DCP1A: variants seen among roughly 807,000 people sequenced by gnomAD.
DCP1A encodes the protein decapping mRNA 1A.
A neutral mutation model predicts 58.0 loss-of-function variants in DCP1A; 20 were observed. The observed-to-expected ratio is 0.34, with a 90% CI of 0.24 to 0.50. DCP1A has a LOEUF of 0.50. DCP1A is among the 20% of genes least tolerant of loss of function. The probability of loss-of-function intolerance (pLI) is 0.98; values close to 1 mark genes in which losing one functional copy is unlikely to be tolerated. For missense variants in DCP1A, 613 were observed against 712.2 expected, an observed-to-expected ratio of 0.86 and a Z score of 1.59; for synonymous variants, 285 against 275.1, an observed-to-expected ratio of 1.04 and a Z score of -0.36.
At chr3:53,314,064 A>AT (rs1559693210) in intron 4 of DCP1A, among the ~76,000 whole-genome samples, 1 of 151,462 alleles carries the variant, frequency 6.6e-6, no homozygotes, top group African/African-American at 2.4e-5. Context: ...TGTTTTATTT[A>AT]TTTTTTTATT....
At chr3:53,314,784 G>A (rs782575978) in intron 4 of DCP1A, among the ~76,000 whole-genome samples, 4 of 147,470 alleles carry the variant, frequency 2.7e-5, no homozygotes, top group Admixed American at 7.0e-5. Context: ...CGATTCTCGT[G>A]CCTCAGCCTC....
At chr3:53,343,877 C>T (rs2089254782) in intron 2 of DCP1A, among the ~76,000 whole-genome samples, 1 of 152,202 alleles carries the variant, frequency 6.6e-6, no homozygotes, top group Non-Finnish European at 1.5e-5. Flanking sequence ...TCCCAAAGTG[C>T]TGGGATTACA....
intron 4 of DCP1A, among the ~76,000 whole-genome samples, chr3:53,317,444 C>A (rs1404435943): frequency 6.6e-6 from 1 of 152,170 alleles, no homozygotes; most frequent in Non-Finnish European, 1.5e-5. Flanking sequence ...GGATTACAGG[C>A]GTGAGCCACC....
intron 6 of DCP1A, among the ~76,000 whole-genome samples, chr3:53,300,158 C>A (rs528890934): frequency 3.8e-4 from 58 of 152,210 alleles, no homozygotes; most frequent in African/African-American, 1.2e-3. Context: ...CAGGTGTGAG[C>A]CTCCATGCCC....
intron 6 of DCP1A, among the ~76,000 whole-genome samples, chr3:53,302,350 TA>T (rs1332932636): frequency 6.6e-6 from 1 of 152,270 alleles, no homozygotes; most frequent in Non-Finnish European, 1.5e-5. Context: ...TTTATCAGAC[TA>T]TCAGTTATAA....
At chr3:53,312,139 C>A in intron 5 of DCP1A, 102 bp downstream of exon 5, 11 of 1,305,384 alleles carry the variant, frequency 8.4e-6, no homozygotes, top group Non-Finnish European at 1.0e-5. Context: ...ATATTTCTGC[C>A]GTCCCTGGAG....
chr3:53,328,260 C>T (rs551520771), intron 3 of DCP1A, among the ~76,000 whole-genome samples: 1 of 152,286 alleles, frequency 6.6e-6, no homozygotes, highest in South Asian at 2.1e-4. Context: ...CTGCACACTC[C>T]AGAGGAGCTT....
At position 53,288,886 on chromosome 3, in the gene DCP1A, G is replaced by A. The variant is rs771299019; in HGVS notation, c.1450-603C>T. On this transcript the variant is annotated intron_variant, in intron 8 of 9. Transcript: ENST00000610213. ...ACAAAAATTAGCTGGGCATGGTGGC[G>A]TGTGCCTGTAATCCCAGACTCAGGA... Among the ~76,000 whole-genome samples the A allele has an allele frequency of 6.6e-5, 10 of 152,210 alleles. No homozygotes were observed. The South Asian group carries it at 1.7e-3, about 25-fold the overall frequency.
intron 5 of DCP1A, among the ~76,000 whole-genome samples, chr3:53,307,067 A>T (rs1253683002): frequency 6.7e-6 from 1 of 149,372 alleles, no homozygotes; most frequent in African/African-American, 2.5e-5. Context: ...GCCTCCCTCA[A>T]CCTCCCAAGT....
intron 1 of DCP1A, among the ~76,000 whole-genome samples, chr3:53,345,311 C>T (rs1553693036): frequency 2.0e-5 from 3 of 152,078 alleles, no homozygotes. Flanking sequence ...AATTTCTTCT[C>T]TTTTAAGTTT....
At chr3:53,346,237 C>T (rs1219249014) in intron 1 of DCP1A, among the ~76,000 whole-genome samples, 1 of 152,150 alleles carries the variant, frequency 6.6e-6, no homozygotes, top group African/African-American at 2.4e-5. Flanking sequence ...CAATTTTATT[C>T]CTTGTGGCTT....
chr3:53,313,891 A>C (rs1371668087), intron 4 of DCP1A, among the ~76,000 whole-genome samples: 1 of 152,034 alleles, frequency 6.6e-6, no homozygotes, highest in Non-Finnish European at 1.5e-5. Context: ...AAAAAACAGA[A>C]TCCTTGAGTT....
intron 3 of DCP1A, among the ~76,000 whole-genome samples, chr3:53,338,342 G>C (rs1457546167): frequency 6.6e-6 from 1 of 152,090 alleles, no homozygotes; most frequent in Non-Finnish European, 1.5e-5. Flanking sequence ...TAGCACTTCG[G>C]GAGGCTGAGG....
chr3:53,298,078 C>G (rs1035628789), intron 6 of DCP1A, among the ~76,000 whole-genome samples: 32 of 152,160 alleles, frequency 2.1e-4, no homozygotes, highest in African/African-American at 7.5e-4. Context: ...ATTAGCTGCA[C>G]AAGGTGGTGT....
At chr3:53,312,886 A>G (rs782697862) in intron 4 of DCP1A, among the ~76,000 whole-genome samples, 3 of 152,224 alleles carry the variant, frequency 2.0e-5, no homozygotes, top group Non-Finnish European at 4.4e-5. Context: ...AACAGTGCCA[A>G]TATTTACCCT....
intron 3 of DCP1A, among the ~76,000 whole-genome samples, chr3:53,339,774 G>C (rs918759713): frequency 6.6e-6 from 1 of 152,006 alleles, no homozygotes; most frequent in African/African-American, 2.4e-5. Context: ...TGGTAACTGG[G>C]TCCGGATAAC....
At position 53,321,715 on chromosome 3, in the gene DCP1A, G is replaced by A. The variant is rs146154077; in HGVS notation, c.305-2242C>T. Among the ~76,000 whole-genome samples, 137 of 152,238 alleles carry A rather than the reference G, an allele frequency of 9.0e-4. 2 individuals are homozygous for A. Among genetic ancestry groups the A allele is most frequent in the South Asian group, 4.8e-3 (23 of 4,820 alleles). On this transcript the variant is annotated intron_variant, in intron 3 of 9. Coordinates refer to ENST00000610213, the MANE Select transcript of DCP1A (RefSeq NM_018403.7). ...GCCTGGGCAACAAGAGCGAAACTCC[G>A]TCTCAAAACAAACAAAAAAACCCAA...
intron 6 of DCP1A, among the ~76,000 whole-genome samples, chr3:53,301,474 T>C (rs1707311684): frequency 1.3e-5 from 2 of 152,098 alleles, no homozygotes; most frequent in African/African-American, 2.4e-5. Context: ...GGTTTCACCA[T>C]GTTGGTCAGG....
Position 53,340,051 on chromosome 3 carries a change from G to A in DCP1A, c.304+2093C>T, listed in dbSNP as rs1553692369. 2.0e-5 allele frequency among the ~76,000 whole-genome samples: 3 copies of A among 152,194 alleles called. 1 individual carries two copies. ...CGACTTTCCCACCTCAGCCTCCTGGGTAGCTGGGACTACAAGTGTGTGACA... is the reference window on the plus strand; with the variant it reads ...CGACTTTCCCACCTCAGCCTCCTGGATAGCTGGGACTACAAGTGTGTGACA... On this transcript the variant is annotated intron_variant, in intron 3 of 9. Coordinates refer to ENST00000610213, the MANE Select transcript of DCP1A (RefSeq NM_018403.7).
Sources: gnomAD v4.1 joint callset for allele counts (sites outside exome capture counted in the v4.1 genomes callset) on GRCh38, gnomAD v4.1.1 for gene constraint, MANE v1.5 for transcripts, NCBI Gene and HGNC (gene_info 2026-07-23, HGNC 2026-07-21) for gene names.